Variants in RPH3AL observed in about 807,000 individuals in gnomAD.
RPH3AL encodes rab effector Noc2.
In RPH3AL, 38 loss-of-function variants were observed where a neutral mutation model predicts 43.1. The ratio of observed to expected loss-of-function variants is 0.88; its 90% CI spans 0.68 to 1.15. RPH3AL has a LOEUF of 1.15. Among genes scored for constraint, RPH3AL ranks in the 50% most tolerant of loss-of-function variants. The probability of loss-of-function intolerance (pLI) is 0.00; values close to 1 mark genes in which losing one functional copy is unlikely to be tolerated. For synonymous variants in RPH3AL, 189 were observed against 176.3 expected (o/e 1.07, Z -0.57); for missense variants, 462 against 423.2 (o/e 1.09, Z -0.81).
intron 1 of RPH3AL, among the ~76,000 whole-genome samples, chr17:345,199 A>G (rs924867005): frequency 2.2e-5 from 3 of 135,078 alleles, no homozygotes; most frequent in African/African-American, 7.6e-5. Flanking sequence ...GGGTCACCTG[A>G]GCCTGGGGAG....
At chr17:231,426 C>T (rs915946322) in intron 7 of RPH3AL, among the ~76,000 whole-genome samples, 3 of 152,222 alleles carry the variant, frequency 2.0e-5, no homozygotes, top group Admixed American at 6.5e-5. Context: ...TTCTGGACCA[C>T]CAGCGGGAAA....
At chr17:312,535 G>A (rs2043670313) in intron 5 of RPH3AL, among the ~76,000 whole-genome samples, 1 of 152,186 alleles carries the variant, frequency 6.6e-6, no homozygotes, top group African/African-American at 2.4e-5. Context: ...CTATGACACG[G>A]GGAGTCACTC....
chr17:273,040 C>G (rs8067536), intron 6 of RPH3AL, among the ~76,000 whole-genome samples: 1 of 56,850 alleles, frequency 1.8e-5, no homozygotes, highest in African/African-American at 6.5e-5. Flanking sequence ...CCAGCGAGGG[C>G]GACGTCAGGG....
rs560436972 is a variant in RPH3AL at position 314,482 on chromosome 17, G to C, written c.351+4938C>G. On this transcript the variant is annotated intron_variant, in intron 5 of 9. Transcript: ENST00000331302. The stretch of plus-strand genomic sequence containing the variant: ...TAGTCTCTATGCCCCCACCTCCATT[G>C]ACCTGTAGTCCCTATACTCCACGTC... 1.3e-3 allele frequency among the ~76,000 whole-genome samples: 194 copies of C among 146,026 alleles called. 5 individuals are homozygous for C. The highest frequency in any genetic ancestry group is 4.7e-3 in the African/African-American group (186 of 39,372).
intron 2 of RPH3AL, chr17:331,944 C>G: frequency 6.0e-6 from 7 of 1,172,264 alleles, no homozygotes; most frequent in Non-Finnish European, 7.9e-6. Flanking sequence ...AGTGGAAAAG[C>G]AGGGAAGGCA....
chr17:315,044 T>C (rs1363328766), intron 5 of RPH3AL, among the ~76,000 whole-genome samples: 2,975 of 122,434 alleles, frequency 0.024, 78 homozygotes, highest in South Asian at 0.033. Flanking sequence ...GTCCCTGTAC[T>C]CCACCTCCAC....
At position 221,729 on chromosome 17, in the gene RPH3AL, T is replaced by G. The variant is rs1389776778; in HGVS notation, c.614-1993A>C. 9.1e-5 allele frequency among the ~76,000 whole-genome samples: 12 copies of G among 132,002 alleles called. No individual in the cohort carries two copies. In the East Asian group the frequency reaches 2.0e-3, roughly 22 times the overall value. 86.6% of individuals were successfully genotyped at this position (132,002 alleles called of 152,430 possible). A position where few individuals can be genotyped will look rare whatever the true frequency, so the allele number is the denominator to read the frequency against. On this transcript the variant is annotated intron_variant, in intron 7 of 9. Transcript: ENST00000331302. ...ACCCAAGCACATCAGCTCTGAGGCC[T>G]CCACTCACTGAGACAATAGACCCAA...
chr17:338,081 A>G (rs2045009335), intron 1 of RPH3AL, among the ~76,000 whole-genome samples: 1 of 152,200 alleles, frequency 6.6e-6, no homozygotes, highest in East Asian at 1.9e-4. Flanking sequence ...CCAGAGGCAT[A>G]GCTTGCTTTT....
At chr17:311,087 T>C (rs1332840667) in intron 5 of RPH3AL, among the ~76,000 whole-genome samples, 1 of 151,840 alleles carries the variant, frequency 6.6e-6, no homozygotes, top group Non-Finnish European at 1.5e-5. Context: ...CACCTGCCCA[T>C]TCACTGCTCA....
chr17:244,137 AT>A (rs745367540), intron 7 of RPH3AL, among the ~76,000 whole-genome samples: 7 of 137,222 alleles, frequency 5.1e-5, no homozygotes, highest in Non-Finnish European at 1.1e-4. Context: ...TCCTCTATTG[AT>A]TATCTTCCTC....
chr17:261,530 T>C (rs1160544341), intron 6 of RPH3AL, among the ~76,000 whole-genome samples: 2 of 152,170 alleles, frequency 1.3e-5, no homozygotes, highest in African/African-American at 4.8e-5. Flanking sequence ...ACTCAGTCTA[T>C]GGTATGTTGT....
At chr17:236,597 G>A (rs1466458124) in intron 7 of RPH3AL, among the ~76,000 whole-genome samples, 1 of 152,228 alleles carries the variant, frequency 6.6e-6, no homozygotes, top group Non-Finnish European at 1.5e-5. Flanking sequence ...GCAAGCTGCA[G>A]AGCGGGCGTC....
At chr17:266,166 A>G (rs538554153) in intron 6 of RPH3AL, among the ~76,000 whole-genome samples, 3 of 151,878 alleles carry the variant, frequency 2.0e-5, no homozygotes, top group Admixed American at 6.5e-5. Context: ...GGATTCATGT[A>G]TTTGTGTTTT....
chr17:327,438 A>G, intron 3 of RPH3AL, 29 bp downstream of exon 3: 2 of 1,599,688 alleles, frequency 1.3e-6, no homozygotes, highest in Non-Finnish European at 1.7e-6. Context: ...GAAGGAAGGG[A>G]CGGCCTGGGG....
intron 1 of RPH3AL, among the ~76,000 whole-genome samples, chr17:350,543 G>T (rs899332698): frequency 2.6e-5 from 4 of 152,016 alleles, no homozygotes; most frequent in African/African-American, 9.7e-5. Flanking sequence ...CCGAGGAGGC[G>T]GAGGTTGCAG....
intron 5 of RPH3AL, among the ~76,000 whole-genome samples, chr17:301,799 C>CGAG (rs1567628007): frequency 2.0e-5 from 3 of 152,108 alleles, no homozygotes; most frequent in Non-Finnish European, 2.9e-5. Flanking sequence ...AGTTCTGACC[C>CGAG]GAGCCGTAGG....
chr17:296,698 G>A (rs942385968), intron 5 of RPH3AL, among the ~76,000 whole-genome samples: 1 of 152,224 alleles, frequency 6.6e-6, no homozygotes, highest in African/African-American at 2.4e-5. Flanking sequence ...CCCAAAGACG[G>A]GCTGTTCAAC....
intron 5 of RPH3AL, among the ~76,000 whole-genome samples, chr17:286,370 G>A (rs916728864): frequency 5.3e-5 from 8 of 152,122 alleles, no homozygotes; most frequent in Non-Finnish European, 8.8e-5. Context: ...ACCAACCAAC[G>A]CTGGCGGCAC....
chr17:326,609 G>A (rs181343671), intron 3 of RPH3AL, among the ~76,000 whole-genome samples: 75 of 152,284 alleles, frequency 4.9e-4, no homozygotes, highest in African/African-American at 1.6e-3. Context: ...GGCCAGGCGC[G>A]GTGGCTCACG....
Sources: allele counts gnomAD v4.1 joint callset (sites outside exome capture counted in the v4.1 genomes callset), GRCh38; gene constraint gnomAD v4.1.1; transcripts MANE v1.5; gene names NCBI Gene and HGNC (gene_info 2026-07-23, HGNC 2026-07-21).